Variants in TMEM132D observed in about 807,000 individuals in gnomAD.
TMEM132D encodes mature OL transmembrane protein.
A neutral mutation model predicts 62.3 loss-of-function variants in TMEM132D; 21 were observed. That is an observed-to-expected ratio of 0.34 (90% confidence interval 0.24 to 0.49). TMEM132D has a LOEUF of 0.49. Among genes scored for constraint, TMEM132D ranks in the 20% least tolerant of loss-of-function variants. The pLI is 0.99. For synonymous variants in TMEM132D, 621 were observed against 575.6 expected, an observed-to-expected ratio of 1.08 and a Z score of -1.13; for missense variants, 1,346 against 1,402.8, an observed-to-expected ratio of 0.96 and a Z score of 0.65.
At chr12:129,844,463 T>C (rs940714922) in intron 1 of TMEM132D, among the ~76,000 whole-genome samples, 2 of 152,136 alleles carry the variant, frequency 1.3e-5, no homozygotes, top group African/African-American at 4.8e-5. Flanking sequence ...CCAAGACAAA[T>C]GTAATCCCAA....
chr12:129,076,723 A>C (rs573617665), intron 8 of TMEM132D, among the ~76,000 whole-genome samples: 1 of 152,234 alleles, frequency 6.6e-6, no homozygotes, highest in African/African-American at 2.4e-5. Flanking sequence ...CCACTGTCAG[A>C]GCCAAGTTGC....
In TMEM132D at chr12:129,562,929, G is replaced by A. The variant is rs77128317; in HGVS notation, c.969-31724C>T. 2.0e-3 allele frequency among the ~76,000 whole-genome samples: 297 copies of A among 152,282 alleles called. 8 individuals carry two copies. In the East Asian group the frequency reaches 0.051, roughly 26 times the overall value. On this transcript the variant is annotated intron_variant, in intron 2 of 8. Coordinates refer to ENST00000422113, the MANE Select transcript of TMEM132D (RefSeq NM_133448.3). Reference sequence around the variant, plus strand: ...GATAAGCATCCCCTGTACTCCAGTAGAACTCTGTAGATAATTCTATTACGG... The same window carrying A: ...GATAAGCATCCCCTGTACTCCAGTAAAACTCTGTAGATAATTCTATTACGG...
intron 3 of TMEM132D, among the ~76,000 whole-genome samples, chr12:129,402,157 G>A (rs555403345): frequency 1.3e-5 from 2 of 152,282 alleles, no homozygotes; most frequent in Admixed American, 6.5e-5. Flanking sequence ...ATCTGCTGTC[G>A]GAACTTGATG....
chr12:129,350,810 G>T (rs750035031), intron 3 of TMEM132D, among the ~76,000 whole-genome samples: 2 of 152,078 alleles, frequency 1.3e-5, no homozygotes, highest in Non-Finnish European at 2.9e-5. Context: ...ATAGCCACAC[G>T]GGCCTTAGCC....
In TMEM132D at chr12:129,758,058, A is replaced by C. The variant is rs144261313; in HGVS notation, c.80-57360T>G. Among the ~76,000 whole-genome samples the C allele has an allele frequency of 3.9e-3, 592 of 152,152 alleles. 2 individuals are homozygous for C. The highest frequency in any genetic ancestry group is 0.014 in the African/African-American group (564 of 41,524). ...GATGGGATTACAGGTGCCTGCCACC[A>C]TGCTTGGCTAATTATTTTGTATTTT... On this transcript the variant is annotated intron_variant, in intron 1 of 8. Coordinates refer to ENST00000422113, the MANE Select transcript of TMEM132D (RefSeq NM_133448.3).
intron 5 of TMEM132D, chr12:129,086,149 A>G (rs1192599693): frequency 6.6e-6 from 1 of 152,334 alleles, no homozygotes; most frequent in Non-Finnish European, 1.5e-5. Flanking sequence ...TGTACTGTGA[A>G]ATAATTACAA....
chr12:129,480,225 C>T (rs941495359), intron 3 of TMEM132D, among the ~76,000 whole-genome samples: 13 of 152,328 alleles, frequency 8.5e-5, no homozygotes, highest in African/African-American at 2.9e-4. Context: ...GTGCATGGAG[C>T]TGCAGAGGGG....
intron 2 of TMEM132D, among the ~76,000 whole-genome samples, chr12:129,590,454 G>A (rs6486486): frequency 0.03 from 4,558 of 152,256 alleles, 208 homozygotes; most frequent in African/African-American, 0.091. Flanking sequence ...ACTGTTAAGT[G>A]GCAAATGCTT....
intron 4 of TMEM132D, among the ~76,000 whole-genome samples, chr12:129,294,112 T>C (rs1881513357): frequency 6.6e-6 from 1 of 152,240 alleles, no homozygotes; most frequent in East Asian, 1.9e-4. Flanking sequence ...ACTATTTCCA[T>C]ATATGGATCA....
At chr12:129,245,951 C>G (rs1880092190) in intron 4 of TMEM132D, among the ~76,000 whole-genome samples, 2 of 152,160 alleles carry the variant, frequency 1.3e-5, no homozygotes, top group Non-Finnish European at 2.9e-5. Flanking sequence ...CTCTTGGGTA[C>G]ACTTCTGGCA....
At chr12:129,077,139 G>C (rs1874287019) in intron 8 of TMEM132D, among the ~76,000 whole-genome samples, 1 of 152,202 alleles carries the variant, frequency 6.6e-6, no homozygotes, top group Non-Finnish European at 1.5e-5. Flanking sequence ...TGGGAAAATG[G>C]GAAGGCTCTT....
chr12:129,782,542 G>T (rs11835918), intron 1 of TMEM132D, among the ~76,000 whole-genome samples: 2 of 152,194 alleles, frequency 1.3e-5, no homozygotes, highest in East Asian at 1.9e-4. Context: ...CTAAAATTGC[G>T]CCTGGCCTCA....
chr12:129,433,624 G>T (rs1304697935), intron 3 of TMEM132D, among the ~76,000 whole-genome samples: 1 of 152,106 alleles, frequency 6.6e-6, no homozygotes, highest in African/African-American at 2.4e-5. Context: ...GCCACTAAAA[G>T]AAACATTTAG....
intron 5 of TMEM132D, among the ~76,000 whole-genome samples, chr12:129,112,397 C>T (rs768767495): frequency 2.6e-5 from 4 of 152,204 alleles, no homozygotes; most frequent in Admixed American, 1.3e-4. Context: ...CACGGTGGCT[C>T]ACGCCTGTAA....
At chr12:129,351,739 T>C (rs891376158) in intron 3 of TMEM132D, among the ~76,000 whole-genome samples, 6 of 152,216 alleles carry the variant, frequency 3.9e-5, no homozygotes, top group African/African-American at 1.2e-4. Flanking sequence ...TTGTGGAATA[T>C]ATTGTGGTTG....
chr12:129,895,381 G>C (rs1875074362), intron 1 of TMEM132D, among the ~76,000 whole-genome samples: 1 of 152,210 alleles, frequency 6.6e-6, no homozygotes, highest in Non-Finnish European at 1.5e-5. Flanking sequence ...AATGATTTCA[G>C]GGATCACTTC....
intron 1 of TMEM132D, among the ~76,000 whole-genome samples, chr12:129,801,225 GGCCT>G (rs1046207917): frequency 1.1e-4 from 16 of 152,214 alleles, no homozygotes; most frequent in South Asian, 2.1e-4. Flanking sequence ...AGCTCAAGGA[GGCCT>G]GCCTGCCTGC....
chr12:129,496,392 A>G (rs2137063872), intron 3 of TMEM132D, among the ~76,000 whole-genome samples: 1 of 152,246 alleles, frequency 6.6e-6, no homozygotes, highest in Admixed American at 6.5e-5. Flanking sequence ...GGCTGTGACA[A>G]GGCTGGCTTG....
intron 3 of TMEM132D, among the ~76,000 whole-genome samples, chr12:129,515,779 C>T (rs767091096): frequency 9.2e-5 from 14 of 152,214 alleles, no homozygotes; most frequent in Non-Finnish European, 2.1e-4. Context: ...CCCTTCTGTC[C>T]AATCACCTTT....
Sources: allele counts gnomAD v4.1 joint callset (sites outside exome capture counted in the v4.1 genomes callset), GRCh38; gene constraint gnomAD v4.1.1; transcripts MANE v1.5; gene names NCBI Gene and HGNC (gene_info 2026-07-23, HGNC 2026-07-21).